The following KALRN variants were observed in gnomAD, a reference collection of about 807,000 sequenced individuals.
KALRN encodes kalirin.
Under a neutral mutation model 353.7 loss-of-function variants are expected in KALRN, and 70 were observed. That is an observed-to-expected ratio of 0.20 (90% confidence interval 0.16 to 0.24). The LOEUF (loss-of-function observed/expected upper bound fraction) is 0.24. Ranked by LOEUF, KALRN falls within the 10% of genes least tolerant of loss-of-function variation. The pLI, the probability that KALRN is intolerant of heterozygous loss-of-function variation, is 1.00. For synonymous variants in KALRN, 1,391 were observed against 1,434.8 expected (o/e 0.97, Z 0.69); for missense variants, 2,791 against 3,756.7 (o/e 0.74, Z 6.72).
At chr3:124,393,323 A>C (rs1484351303) in intron 11 of KALRN, among the ~76,000 whole-genome samples, 1 of 152,192 alleles carries the variant, frequency 6.6e-6, no homozygotes, top group Non-Finnish European at 1.5e-5. Flanking sequence ...TCTCTTCCCT[A>C]AAGACTTAAA....
At chr3:124,149,288 C>A (rs373185202) in intron 1 of KALRN, among the ~76,000 whole-genome samples, 1 of 152,200 alleles carries the variant, frequency 6.6e-6, no homozygotes, top group South Asian at 2.1e-4. Flanking sequence ...ATGAGTCTAC[C>A]ATTGCTGATG....
intron 33 of KALRN, among the ~76,000 whole-genome samples, chr3:124,537,260 T>G (rs1346322883): frequency 6.6e-6 from 1 of 152,196 alleles, no homozygotes; most frequent in East Asian, 1.9e-4. Context: ...CAGGCTGGTC[T>G]TGAACTCCCG....
chr3:124,104,321 G>A (rs577677167), intron 1 of KALRN, among the ~76,000 whole-genome samples: 8 of 152,274 alleles, frequency 5.3e-5, no homozygotes, highest in South Asian at 2.1e-4. Context: ...TCTTGTCTTC[G>A]TGAAGTGTTA....
intron 1 of KALRN, among the ~76,000 whole-genome samples, chr3:124,181,074 T>TACAAAAAA (rs2073510056): frequency 8.1e-5 from 2 of 24,548 alleles, no homozygotes; most frequent in Non-Finnish European, 1.7e-4. Context: ...CTACTAAAAA[T>TACAAAAAA]ACAAAAAAAA....
chr3:124,664,655 G>A lies in KALRN; in HGVS notation c.6346-1794G>A, dbSNP rs545213466. ...CGATCTCCTGACCTGGTGATCCGCC[G>A]GCCTTGGCCTCCCAAAGTGCTAGGA... On this transcript the variant is annotated intron_variant, in intron 45 of 59. Transcript: ENST00000682506. 3.9e-5 allele frequency among the ~76,000 whole-genome samples: 6 copies of A among 152,114 alleles called. No homozygotes were observed. In the South Asian group the frequency reaches 8.3e-4, roughly 21 times the overall value.
intron 34 of KALRN, among the ~76,000 whole-genome samples, chr3:124,571,320 A>G (rs1386070408): frequency 6.6e-6 from 1 of 152,228 alleles, no homozygotes; most frequent in Non-Finnish European, 1.5e-5. Context: ...ATGGATTAAT[A>G]GTCCTTTCCA....
intron 34 of KALRN, chr3:124,584,868 G>A (rs780401104): frequency 6.2e-7 from 1 of 1,607,390 alleles, no homozygotes; most frequent in South Asian, 1.1e-5. Context: ...TCTTTGGGGT[G>A]GCTCTTTGCT....
chr3:124,222,873 G>A (rs2078070120), intron 1 of KALRN, among the ~76,000 whole-genome samples: 1 of 152,052 alleles, frequency 6.6e-6, no homozygotes, highest in South Asian at 2.1e-4. Context: ...CCAAAGTGCT[G>A]GTATTATAGA....
intron 34 of KALRN, among the ~76,000 whole-genome samples, chr3:124,573,702 TG>T (rs2073798229): frequency 6.6e-6 from 1 of 152,118 alleles, no homozygotes; most frequent in Admixed American, 6.6e-5. Flanking sequence ...ACCTCCTGTC[TG>T]CACTGGCTCC....
intron 1 of KALRN, among the ~76,000 whole-genome samples, chr3:124,072,281 G>T (rs1352669485): frequency 6.6e-6 from 1 of 152,164 alleles, no homozygotes; most frequent in African/African-American, 2.4e-5. Context: ...GACTTGTTCT[G>T]TTCCGATCTG....
At chr3:124,286,086 T>TCTTTCTTC (rs1560462430) in intron 5 of KALRN, among the ~76,000 whole-genome samples, 1 of 107,500 alleles carries the variant, frequency 9.3e-6, no homozygotes, top group Non-Finnish European at 2.0e-5. Flanking sequence ...TTCCTTCCTT[T>TCTTTCTTC]CTTTCTTTCT....
At chr3:124,094,284 G>T (rs1288677220) in intron 1 of KALRN, 1 of 165,184 alleles carries the variant, frequency 6.1e-6, no homozygotes, top group South Asian at 1.6e-4. Context: ...AGTCATGCAG[G>T]TCCTGCAGTC....
chr3:124,035,854 T>C (rs1226491851), intron 1 of KALRN, among the ~76,000 whole-genome samples: 1 of 152,174 alleles, frequency 6.6e-6, no homozygotes, highest in Non-Finnish European at 1.5e-5. Context: ...CTAAGTCTGA[T>C]GTGCACTTAG....
chr3:124,478,411 G>A (rs750199532), intron 27 of KALRN, among the ~76,000 whole-genome samples: 14 of 152,164 alleles, frequency 9.2e-5, no homozygotes, highest in Non-Finnish European at 1.9e-4. Flanking sequence ...CCTTCCCTGA[G>A]CATCTTTCTA....
intron 1 of KALRN, among the ~76,000 whole-genome samples, chr3:124,175,869 A>T (rs2072660944): frequency 6.6e-6 from 1 of 152,170 alleles, no homozygotes; most frequent in South Asian, 2.1e-4. Flanking sequence ...GTCCTCTCTG[A>T]GACTCTATGT....
chr3:124,513,655 G>C (rs892305305), intron 33 of KALRN, among the ~76,000 whole-genome samples: 2 of 152,186 alleles, frequency 1.3e-5, no homozygotes, highest in African/African-American at 4.8e-5. Flanking sequence ...TATTTTCCAG[G>C]ATGTCTCTCC....
intron 1 of KALRN, among the ~76,000 whole-genome samples, chr3:124,221,151 G>C (rs1430042733): frequency 6.6e-6 from 1 of 152,152 alleles, no homozygotes; most frequent in African/African-American, 2.4e-5. Context: ...CCCTAACTCT[G>C]CTTTTCTGTT....
At chr3:124,320,119 G>T in intron 6 of KALRN, among the ~76,000 whole-genome samples, 1 of 152,250 alleles carries the variant, frequency 6.6e-6, no homozygotes, top group South Asian at 2.1e-4. Flanking sequence ...TTTTCATTGA[G>T]CATTTGATTT....
Position 124,455,270 on chromosome 3 carries a change from A to G in KALRN, c.3646A>G (p.Thr1216Ala). The change falls in exon 22 of 60, where the codon ACC (threonine) becomes GCC (alanine). Residue 1216 changes from threonine (T) to alanine (A), a missense_variant. Around this residue, in one of 11 missense-constraint regions of KALRN, gnomAD observed 268 missense variants for 347.0 expected, o/e 0.77. Coordinates refer to ENST00000682506, the MANE Select transcript of KALRN (RefSeq NM_001388419.1). ...TGCCACGGAGATAAGGAAATGGGTGACCACGGTGGACAAGCACTACAGAGA... is the reference window on the plus strand; with the variant it reads ...TGCCACGGAGATAAGGAAATGGGTGGCCACGGTGGACAAGCACTACAGAGA... The part of the protein sequence containing the change: ...IHATEIRKWV[T>A]TVDKHYRDFS... 6.2e-7 allele frequency: 1 copy of G among 1,614,188 alleles called. No individual in the cohort carries two copies. The highest frequency in any genetic ancestry group is 8.5e-7 in the Non-Finnish European group (1 of 1,180,012).
Sources: gnomAD v4.1 joint callset for allele counts (sites outside exome capture counted in the v4.1 genomes callset) on GRCh38, gnomAD v4.1.1 for gene constraint, gnomAD v4.1.1 regional missense constraint, MANE v1.5 for transcripts, NCBI Gene and HGNC (gene_info 2026-07-23, HGNC 2026-07-21) for gene names.